Variants in RFPL1 observed in about 807,000 individuals in gnomAD.
The protein encoded by RFPL1 is ret finger protein-like 1.
Under a neutral mutation model 9.6 loss-of-function variants are expected in RFPL1, and 6 were observed. The observed-to-expected ratio is 0.62, with a 90% CI of 0.34 to 1.23. The LOEUF (loss-of-function observed/expected upper bound fraction) is 1.23, where lower values mean the gene tolerates loss of function less well. Ranked by LOEUF, RFPL1 falls within the 50% of genes most tolerant of loss-of-function variation. RFPL1 has a pLI of 0.03. For missense variants in RFPL1, 352 were observed against 398.4 expected, an observed-to-expected ratio of 0.88 and a Z score of 0.99; for synonymous variants, 145 against 149.4, an observed-to-expected ratio of 0.97 and a Z score of 0.22.
chr22:29,407,575 A>C, the RFPL1 span, among the ~76,000 whole-genome samples: 169 of 151,700 alleles, frequency 1.1e-3, no homozygotes, highest in African/African-American at 4.0e-3. Context: ...TCATTGATTT[A>C]ATTTCTAAAA....
the RFPL1 span, among the ~76,000 whole-genome samples, chr22:29,411,963 A>G: frequency 6.6e-6 from 1 of 152,126 alleles, no homozygotes; most frequent in Non-Finnish European, 1.5e-5. Context: ...TGATCCCCCC[A>G]CCTCAGTTGG....
At chr22:29,400,470 G>C in the RFPL1 span, among the ~76,000 whole-genome samples, 1 of 152,140 alleles carries the variant, frequency 6.6e-6, no homozygotes, top group Admixed American at 6.6e-5. Context: ...TTTTGTATCA[G>C]TCCGAAGCTA....
chr22:29,410,035 G>A, the RFPL1 span, among the ~76,000 whole-genome samples: 23 of 151,342 alleles, frequency 1.5e-4, no homozygotes, highest in Non-Finnish European at 2.4e-4. Context: ...CACAAGCATC[G>A]TCTATGCTTC....
the RFPL1 span, among the ~76,000 whole-genome samples, chr22:29,422,289 C>CA: frequency 1.3e-5 from 2 of 152,228 alleles, no homozygotes; most frequent in South Asian, 4.1e-4. Context: ...ACTAAAAATA[C>CA]AAAAAACTGC....
At chr22:29,408,223 G>A in the RFPL1 span, among the ~76,000 whole-genome samples, 1 of 152,190 alleles carries the variant, frequency 6.6e-6, no homozygotes, top group African/African-American at 2.4e-5. Context: ...GAGGTGTGAT[G>A]AGATGCTGTC....
chr22:29,439,413 C>T (rs1218269726), intron 1 of RFPL1: 12 of 563,920 alleles, frequency 2.1e-5, no homozygotes, highest in East Asian at 1.2e-4. Context: ...GCGGGTGGAT[C>T]ACGAGGTCAG....
chr22:29,440,467 T>C (rs556195651), intron 1 of RFPL1: 3 of 152,374 alleles, frequency 2.0e-5, no homozygotes, highest in South Asian at 2.1e-4. Flanking sequence ...TCCATGAGAA[T>C]TGGCAGCTTC....
chr22:29,400,775 C>T, the RFPL1 span, among the ~76,000 whole-genome samples: 3 of 152,230 alleles, frequency 2.0e-5, no homozygotes, highest in Non-Finnish European at 4.4e-5. Context: ...TCAGCTTACT[C>T]ACACACATCC....
chr22:29,442,130 C>A, exon 2 of RFPL1: 1 of 1,513,146 alleles, frequency 6.6e-7, no homozygotes, highest in Non-Finnish European at 8.9e-7. Context: ...TAAGCCCCCA[C>A]TGCAAAAAAA....
At chr22:29,428,924 C>T in the RFPL1 span, among the ~76,000 whole-genome samples, 8 of 152,048 alleles carry the variant, frequency 5.3e-5, no homozygotes, top group African/African-American at 1.9e-4. Flanking sequence ...AACAATGTAC[C>T]TCATAGAACT....
chr22:29,402,116 C>A, the RFPL1 span, among the ~76,000 whole-genome samples: 1 of 152,188 alleles, frequency 6.6e-6, no homozygotes, highest in African/African-American at 2.4e-5. Context: ...TTCTGATAAC[C>A]ATGATCGGCT....
At chr22:29,420,423 C>T in the RFPL1 span, among the ~76,000 whole-genome samples, 21 of 152,182 alleles carry the variant, frequency 1.4e-4, no homozygotes, top group Middle Eastern at 3.4e-3. Flanking sequence ...TTCTGCCTCC[C>T]GGGTTCCAGC....
chr22:29,420,087 C>T, the RFPL1 span, among the ~76,000 whole-genome samples: 12 of 152,206 alleles, frequency 7.9e-5, no homozygotes, highest in Admixed American at 2.6e-4. Flanking sequence ...GGAGGCCTTT[C>T]CTGTTTTCCT....
chr22:29,390,752 C>T, the RFPL1 span, among the ~76,000 whole-genome samples: 1 of 151,184 alleles, frequency 6.6e-6, no homozygotes, highest in Non-Finnish European at 1.5e-5. Flanking sequence ...CCCGCCACCA[C>T]GCCCGGCTAA....
chr22:29,394,279 G>A, the RFPL1 span, among the ~76,000 whole-genome samples: 8 of 151,998 alleles, frequency 5.3e-5, no homozygotes, highest in Admixed American at 3.9e-4. Context: ...TCAGCCTCCC[G>A]AGTAGCTGGG....
At chr22:29,422,808 T>TACACATAC in the RFPL1 span, among the ~76,000 whole-genome samples, 7 of 150,238 alleles carry the variant, frequency 4.7e-5, no homozygotes, top group Non-Finnish European at 8.9e-5. Flanking sequence ...AACACACACA[T>TACACATAC]ACACACACAC....
At chr22:29,404,604 G>A in the RFPL1 span, among the ~76,000 whole-genome samples, 1 of 152,190 alleles carries the variant, frequency 6.6e-6, no homozygotes, top group African/African-American at 2.4e-5. Flanking sequence ...GTGCATATGA[G>A]CTGCTTTGAA....
the RFPL1 span, among the ~76,000 whole-genome samples, chr22:29,418,219 C>T: frequency 6.6e-6 from 1 of 152,088 alleles, no homozygotes; most frequent in African/African-American, 2.4e-5. Flanking sequence ...TGAGCCACCG[C>T]ACCCAGCCTC....
At chr22:29,425,986 A>AT in the RFPL1 span, among the ~76,000 whole-genome samples, 1 of 152,184 alleles carries the variant, frequency 6.6e-6, no homozygotes, top group Non-Finnish European at 1.5e-5. Flanking sequence ...ATATGGACTA[A>AT]TAGATAGGAT....
Sources: allele counts gnomAD v4.1 joint callset (sites outside exome capture counted in the v4.1 genomes callset), GRCh38; gene constraint gnomAD v4.1.1; transcripts MANE v1.5; gene names NCBI Gene and HGNC (gene_info 2026-07-23, HGNC 2026-07-21).